Variants in RBMS3 observed in about 807,000 individuals in gnomAD.
RBMS3 encodes the protein RNA-binding motif, single-stranded-interacting protein 3.
A neutral mutation model predicts 66.8 loss-of-function variants in RBMS3; 27 were observed. That is an observed-to-expected ratio of 0.40 (90% CI 0.30 to 0.56). RBMS3 has a LOEUF of 0.56. Among genes scored for constraint, RBMS3 ranks in the 20% least tolerant of loss-of-function variants. The pLI is 0.40. For synonymous variants in RBMS3, 188 were observed against 183.0 expected (o/e 1.03, Z -0.22); for missense variants, 513 against 549.5 (o/e 0.93, Z 0.66).
chr3:29,425,654 A>G (rs545087528), intron 1 of RBMS3, among the ~76,000 whole-genome samples: 9 of 152,112 alleles, frequency 5.9e-5, no homozygotes, highest in Non-Finnish European at 1.3e-4. Flanking sequence ...TAAAAAAATA[A>G]ATAAAAAATA....
At chr3:29,355,523 C>T (rs138002748) in intron 1 of RBMS3, among the ~76,000 whole-genome samples, 12 of 149,268 alleles carry the variant, frequency 8.0e-5, no homozygotes, top group African/African-American at 2.5e-4. Context: ...TTTAACCAAA[C>T]GAGGTGATTC....
chr3:29,924,236 A>G (rs1240333655), intron 10 of RBMS3, among the ~76,000 whole-genome samples: 2 of 152,160 alleles, frequency 1.3e-5, no homozygotes, highest in Non-Finnish European at 1.5e-5. Flanking sequence ...GGAAAAATGG[A>G]TGTCACATTC....
At chr3:29,874,987 T>C (rs2059578338) in intron 7 of RBMS3, among the ~76,000 whole-genome samples, 1 of 152,172 alleles carries the variant, frequency 6.6e-6, no homozygotes, top group Admixed American at 6.5e-5. Flanking sequence ...CTTAGGTTCT[T>C]AGGGCGGGGT....
chr3:29,771,766 T>C (rs9866626), intron 6 of RBMS3, among the ~76,000 whole-genome samples: 34,072 of 151,798 alleles, frequency 0.22, 4,574 homozygotes, highest in East Asian at 0.71. Flanking sequence ...CAGGGCGGAA[T>C]GTAAAGGGGA....
intron 4 of RBMS3, chr3:29,642,523 C>T (rs1442871786): frequency 1.3e-5 from 2 of 151,998 alleles, no homozygotes; most frequent in African/African-American, 4.8e-5. Flanking sequence ...ATCTTTCTAT[C>T]CCCTTTCCCA....
chr3:29,937,685 C>T (rs1343640586), intron 11 of RBMS3, among the ~76,000 whole-genome samples: 1 of 151,968 alleles, frequency 6.6e-6, no homozygotes, highest in Non-Finnish European at 1.5e-5. Context: ...TTCTCACCTA[C>T]ACTTTTAGAA....
At chr3:29,335,707 C>T (rs2035906278) in intron 1 of RBMS3, among the ~76,000 whole-genome samples, 1 of 152,158 alleles carries the variant, frequency 6.6e-6, no homozygotes, top group African/African-American at 2.4e-5. Flanking sequence ...ATTCCAAAGG[C>T]TCACAGCCAC....
chr3:29,583,015 A>G (rs1313589193), intron 3 of RBMS3, among the ~76,000 whole-genome samples: 1 of 152,146 alleles, frequency 6.6e-6, no homozygotes, highest in Non-Finnish European at 1.5e-5. Context: ...AATTTTATTT[A>G]TGAAGCCTTT....
chr3:29,889,909 C>T (rs576251572), intron 8 of RBMS3, among the ~76,000 whole-genome samples: 1 of 151,694 alleles, frequency 6.6e-6, no homozygotes, highest in South Asian at 2.1e-4. Flanking sequence ...CATGTAACAT[C>T]TTAACCTAAT....
chr3:29,450,114 T>A (rs1034133868), intron 2 of RBMS3, among the ~76,000 whole-genome samples: 1 of 152,202 alleles, frequency 6.6e-6, no homozygotes, highest in Non-Finnish European at 1.5e-5. Context: ...CTGTCTAACA[T>A]GGCCAAGGGG....
At chr3:29,847,645 AT>A (rs555329566) in intron 6 of RBMS3, among the ~76,000 whole-genome samples, 10,723 of 143,426 alleles carry the variant, frequency 0.075, 1,249 homozygotes, top group African/African-American at 0.25. Flanking sequence ...TTTGTGTTTT[AT>A]TTTTTTTTTT....
At chr3:29,528,805 C>T (rs1392935677) in intron 3 of RBMS3, among the ~76,000 whole-genome samples, 2 of 152,192 alleles carry the variant, frequency 1.3e-5, no homozygotes, top group East Asian at 1.9e-4. Flanking sequence ...GTGATCTCGG[C>T]TCACTGTAAC....
At position 29,793,868 on chromosome 3, in the gene RBMS3, G is replaced by A. The variant is rs1474311357; in HGVS notation, c.637+30879G>A. On this transcript the variant is annotated intron_variant, in intron 6 of 14. Transcript: ENST00000383767. ...CCCATTGCTGGAGGTGGAGCTTGGT[G>A]GGAGGTGTTTGGGTCATGGAAGTGG... is the stretch of plus-strand genomic sequence containing the variant. Among the ~76,000 whole-genome samples the A allele has an allele frequency of 3.3e-5, 5 of 152,314 alleles. No individual in the cohort carries two copies. In the East Asian group the frequency reaches 7.7e-4, roughly 24 times the overall value.
chr3:29,991,499 T>C (rs547037590), intron 14 of RBMS3: 1 of 326,026 alleles, frequency 3.1e-6, no homozygotes, highest in African/African-American at 2.1e-5. Context: ...CTAGGCCATA[T>C]GTTTCTGATC....
Position 29,962,308 on chromosome 3 carries a change from CT to C in RBMS3, c.1098+18056del, listed in dbSNP as rs56670828. 5.1e-3 allele frequency among the ~76,000 whole-genome samples: 774 copies of C among 151,388 alleles called. 6 individuals are homozygous for C. Among genetic ancestry groups the C allele is most frequent in the African/African-American group, 0.018 (739 of 41,254 alleles). The stretch of plus-strand genomic sequence containing the variant: ...AAAAATGAAATCCAATGATCAGTAC[CT>C]TCGCATAGTATGTGTATCCGCTATG... On this transcript the variant is annotated intron_variant, in intron 12 of 14. Coordinates refer to ENST00000383767, the MANE Select transcript of RBMS3 (RefSeq NM_001003793.3).
chr3:29,971,097 C>T (rs149054326), intron 12 of RBMS3, among the ~76,000 whole-genome samples: 4 of 152,152 alleles, frequency 2.6e-5, no homozygotes, highest in Non-Finnish European at 2.9e-5. Flanking sequence ...AGTGTCTTCT[C>T]TCTTCCCATC....
chr3:29,893,635 A>G (rs765900887), intron 8 of RBMS3, among the ~76,000 whole-genome samples: 1 of 151,680 alleles, frequency 6.6e-6, no homozygotes, highest in East Asian at 1.9e-4. Context: ...TCTGTCAAAT[A>G]TAAGACCTAG....
intron 1 of RBMS3, among the ~76,000 whole-genome samples, chr3:29,414,724 G>A (rs959988379): frequency 3.9e-5 from 6 of 152,222 alleles, no homozygotes; most frequent in Middle Eastern, 3.4e-3. Context: ...AATGATAAGG[G>A]TATAAAGAGA....
chr3:29,312,515 A>G (rs1308490396), intron 1 of RBMS3, among the ~76,000 whole-genome samples: 2 of 151,726 alleles, frequency 1.3e-5, no homozygotes, highest in Non-Finnish European at 3.0e-5. Context: ...TTAGTAAGTG[A>G]CCACAAATTT....
Sources: allele counts gnomAD v4.1 joint callset (sites outside exome capture counted in the v4.1 genomes callset), GRCh38; gene constraint gnomAD v4.1.1; transcripts MANE v1.5; gene names NCBI Gene and HGNC (gene_info 2026-07-23, HGNC 2026-07-21).